SNTG1: variants seen among roughly 807,000 people sequenced by gnomAD.
SNTG1 encodes gamma-1-syntrophin.
In SNTG1, 39 loss-of-function variants were observed where a neutral mutation model predicts 74.7. That is an observed-to-expected ratio of 0.52 (90% CI 0.40 to 0.68). The LOEUF (loss-of-function observed/expected upper bound fraction) is 0.68, where lower values mean the gene tolerates loss of function less well. Ranked by LOEUF, SNTG1 falls within the 30% of genes least tolerant of loss-of-function variation. SNTG1 has a pLI of 0.00. For missense variants in SNTG1, 685 were observed against 609.5 expected (o/e 1.12, Z -1.30); for synonymous variants, 254 against 217.1 (o/e 1.17, Z -1.49).
intron 2 of SNTG1, among the ~76,000 whole-genome samples, chr8:50,187,770 T>C (rs1056874141): frequency 6.6e-6 from 1 of 152,192 alleles, no homozygotes; most frequent in Non-Finnish European, 1.5e-5. Context: ...ATGGTAATTT[T>C]GCAAAAGCAC....
chr8:50,465,084 T>C (rs2093598478), intron 8 of SNTG1, among the ~76,000 whole-genome samples: 1 of 152,156 alleles, frequency 6.6e-6, no homozygotes, highest in African/African-American at 2.4e-5. Flanking sequence ...TTGTATCTAT[T>C]CATACACATT....
intron 13 of SNTG1, among the ~76,000 whole-genome samples, chr8:50,612,516 T>G (rs1293843342): frequency 6.6e-6 from 1 of 152,242 alleles, no homozygotes; most frequent in African/African-American, 2.4e-5. Context: ...TATGTTAGAC[T>G]ATATATTAGA....
intron 1 of SNTG1, among the ~76,000 whole-genome samples, chr8:49,973,714 T>C (rs1193709058): frequency 1.3e-5 from 2 of 152,094 alleles, no homozygotes; most frequent in African/African-American, 4.8e-5. Context: ...ATAGATCAAA[T>C]CAGTTGAACT....
At chr8:50,012,573 T>C (rs1815914360) in intron 1 of SNTG1, among the ~76,000 whole-genome samples, 2 of 152,130 alleles carry the variant, frequency 1.3e-5, no homozygotes, top group South Asian at 4.1e-4. Flanking sequence ...AAAATGTAGT[T>C]TTATTATTCA....
intron 8 of SNTG1, among the ~76,000 whole-genome samples, chr8:50,459,446 A>G (rs2093539680): frequency 6.6e-6 from 1 of 152,182 alleles, no homozygotes; most frequent in African/African-American, 2.4e-5. Context: ...ATATTCGAAT[A>G]TATATTTATT....
chr8:50,412,965 T>C (rs2092968548), intron 4 of SNTG1, among the ~76,000 whole-genome samples: 2 of 152,140 alleles, frequency 1.3e-5, no homozygotes, highest in African/African-American at 4.8e-5. Flanking sequence ...GAAGTTGAAT[T>C]GAGACCAAAA....
At chr8:50,593,676 A>G (rs1405670739) in intron 13 of SNTG1, among the ~76,000 whole-genome samples, 1 of 151,370 alleles carries the variant, frequency 6.6e-6, no homozygotes, top group Non-Finnish European at 1.5e-5. Context: ...CATCTGGAAC[A>G]CATTCATGTG....
At chr8:50,112,613 C>T (rs2080642870) in intron 1 of SNTG1, among the ~76,000 whole-genome samples, 1 of 137,666 alleles carries the variant, frequency 7.3e-6, no homozygotes, top group Admixed American at 8.2e-5. Flanking sequence ...ACCTCTATCT[C>T]CCAGGTTCAA....
chr8:50,717,984 T>G (rs1349903910), intron 17 of SNTG1, among the ~76,000 whole-genome samples: 3 of 152,168 alleles, frequency 2.0e-5, no homozygotes, highest in Non-Finnish European at 4.4e-5. Context: ...TCTGTTACAT[T>G]TCAGTCCTTA....
At chr8:50,026,770 A>C (rs1392000986) in intron 1 of SNTG1, among the ~76,000 whole-genome samples, 6 of 152,180 alleles carry the variant, frequency 3.9e-5, no homozygotes, top group African/African-American at 1.4e-4. Flanking sequence ...AAATAAAAAC[A>C]TCAGGAAGAG....
chr8:50,181,587 T>A (rs1373432869), intron 2 of SNTG1, among the ~76,000 whole-genome samples: 1 of 152,198 alleles, frequency 6.6e-6, no homozygotes, highest in Non-Finnish European at 1.5e-5. Context: ...CAACAAGTTA[T>A]TTTGAGTATT....
intron 9 of SNTG1, among the ~76,000 whole-genome samples, chr8:50,515,808 G>A (rs1180511035): frequency 1.3e-5 from 2 of 152,224 alleles, no homozygotes; most frequent in East Asian, 3.9e-4. Context: ...CCCAGTCAGG[G>A]GCTTATAGAT....
At chr8:50,083,765 A>C (rs1394927015) in intron 1 of SNTG1, among the ~76,000 whole-genome samples, 1 of 152,168 alleles carries the variant, frequency 6.6e-6, no homozygotes, top group African/African-American at 2.4e-5. Context: ...TCCTGAGAAA[A>C]TATTAACTGC....
chr8:50,592,405 T>C (rs1017852096), intron 13 of SNTG1, among the ~76,000 whole-genome samples: 1 of 152,192 alleles, frequency 6.6e-6, no homozygotes, highest in Non-Finnish European at 1.5e-5. Context: ...ATTGGTGTAA[T>C]ATATTACTAC....
intron 8 of SNTG1, among the ~76,000 whole-genome samples, chr8:50,467,295 C>T (rs1014531525): frequency 6.6e-5 from 10 of 151,768 alleles, no homozygotes; most frequent in African/African-American, 1.9e-4. Context: ...CTCTAGATTT[C>T]GTGCTTTCTT....
In SNTG1 at chr8:49,931,405, A is replaced by T. The variant is rs576909223; in HGVS notation, c.-103+19174A>T. On this transcript the variant is annotated intron_variant, in intron 1 of 18. Transcript: ENST00000642720. ...GGAATCATAGACACTGTAGACTACT[A>T]GAGGGAAGAGAGAAGTGGGGGCACA... Among the ~76,000 whole-genome samples, 14 of 152,320 alleles carry T rather than the reference A, an allele frequency of 9.2e-5. No homozygotes were observed. The East Asian group carries it at 9.7e-4, about 11-fold the overall frequency.
chr8:50,039,973 G>C (rs1818497762), intron 1 of SNTG1, among the ~76,000 whole-genome samples: 1 of 152,110 alleles, frequency 6.6e-6, no homozygotes. Context: ...GTGTGCCTTC[G>C]AGGAAGGTGT....
chr8:50,515,504 G>A (rs115363616), intron 9 of SNTG1, among the ~76,000 whole-genome samples: 1 of 149,432 alleles, frequency 6.7e-6, no homozygotes, highest in South Asian at 2.1e-4. Flanking sequence ...AAATGGTGTA[G>A]CTCAGCAGAT....
At chr8:50,545,928 T>A (rs1463210639) in intron 11 of SNTG1, among the ~76,000 whole-genome samples, 3 of 152,092 alleles carry the variant, frequency 2.0e-5, no homozygotes, top group South Asian at 2.1e-4. Flanking sequence ...GAAATATGAA[T>A]CTGACTTATA....
Sources: gnomAD v4.1 joint callset for allele counts (sites outside exome capture counted in the v4.1 genomes callset) on GRCh38, gnomAD v4.1.1 for gene constraint, MANE v1.5 for transcripts, NCBI Gene and HGNC (gene_info 2026-07-23, HGNC 2026-07-21) for gene names.